Variants in AKAP12 observed in about 807,000 individuals in gnomAD.
AKAP12 encodes the protein A-kinase anchor protein 12.
Under a neutral mutation model 79.9 loss-of-function variants are expected in AKAP12, and 32 were observed. The observed-to-expected ratio is 0.40, with a 90% CI of 0.30 to 0.54. The LOEUF (loss-of-function observed/expected upper bound fraction) is 0.54, where lower values mean the gene tolerates loss of function less well. Among genes scored for constraint, AKAP12 ranks in the 20% least tolerant of loss-of-function variants. The pLI, the probability that AKAP12 is intolerant of heterozygous loss-of-function variation, is 0.48. For missense variants in AKAP12, 2,074 were observed against 2,177.0 expected, an observed-to-expected ratio of 0.95 and a Z score of 0.94; for synonymous variants, 808 against 857.0, an observed-to-expected ratio of 0.94 and a Z score of 1.00.
intron 2 of AKAP12, among the ~76,000 whole-genome samples, chr6:151,280,118 T>C (rs563860581): frequency 1.1e-4 from 17 of 151,864 alleles, no homozygotes; most frequent in African/African-American, 4.1e-4. Flanking sequence ...CATAAGCACC[T>C]TTTGGTTCAG....
intron 3 of AKAP12, among the ~76,000 whole-genome samples, chr6:151,329,687 A>G (rs774991561): frequency 1.3e-5 from 2 of 152,178 alleles, no homozygotes; most frequent in Non-Finnish European, 2.9e-5. Flanking sequence ...TTGTCAAGAG[A>G]CTTTGGAGAC....
chr6:151,349,972 G>A lies in AKAP12; in HGVS notation c.1581G>A (p.Lys527=), dbSNP rs972011563. The A allele has an allele frequency of 4.3e-6, 7 of 1,614,146 alleles. No individual in the cohort carries two copies. The highest frequency in any genetic ancestry group is 5.9e-6 in the Non-Finnish European group (7 of 1,180,020). The change falls in exon 4 of 5, where the codon AAG becomes AAA. Residue 527 remains lysine, a synonymous_variant. Coordinates refer to ENST00000402676, the MANE Select transcript of AKAP12 (RefSeq NM_005100.4). ...KKLFTSTGLK[K]LSGKKQKGKR... is the part of the protein sequence containing the mutation. ...TTTTTACCAGCACTGGCTTAAAAAA[G>A]CTTTCTGGAAAGAAACAGAAAGGGA... is the stretch of plus-strand genomic sequence containing the variant.
chr6:151,286,885 C>G (rs1776515190), intron 2 of AKAP12, among the ~76,000 whole-genome samples: 1 of 152,078 alleles, frequency 6.6e-6, no homozygotes, highest in Admixed American at 6.5e-5. Context: ...TTGACTTGAC[C>G]AAGGTCCCAC....
chr6:151,282,613 T>C (rs1376394552), intron 2 of AKAP12, among the ~76,000 whole-genome samples: 2 of 152,172 alleles, frequency 1.3e-5, no homozygotes. Flanking sequence ...TTTTGGTTGC[T>C]GCGGGGGAAG....
rs575683329 is a variant in AKAP12, at chr6:151,352,490, T to C, written c.4099T>C (p.Ser1367Pro). 4 of 1,614,142 alleles carry C rather than the reference T, an allele frequency of 2.5e-6. No homozygotes were observed. The highest frequency in any genetic ancestry group is 2.2e-5 in the East Asian group (1 of 44,880). ...KLEHETAVTV[S>P]EEVSKQLLQT... ...TGAGCACGAAACAGCTGTTACCGTA[T>C]CTGAAGAGGTCAGTAAGCAGCTCCT... Residue 1367 changes from serine to proline, a missense_variant, in exon 4 of 5, where the codon TCT becomes CCT. Ser to Pro is a moderately conservative substitution (Grantham distance 74). Around this residue, in one of 3 missense-constraint regions of AKAP12, gnomAD observed 614 missense variants for 665.6 expected, o/e 0.92. Coordinates refer to ENST00000402676, the MANE Select transcript of AKAP12 (RefSeq NM_005100.4).
At position 151,250,453 on chromosome 6, in the gene AKAP12, T is replaced by C. The variant is rs1358917231; in HGVS notation, c.162+9729T>C. Among the ~76,000 whole-genome samples the C allele has an allele frequency of 2.6e-5, 4 of 151,298 alleles. No homozygotes were observed. The East Asian group carries it at 6.0e-4, about 23-fold the overall frequency. ...GGCGGAGCTTGCAGTGAAGCCGAGA[T>C]TGCACCACTGCACTCCAGCCTGGGT... is the stretch of plus-strand genomic sequence containing the variant. On this transcript the variant is annotated intron_variant, in intron 2 of 4. Transcript: ENST00000402676.
chr6:151,351,257 G>A lies in AKAP12; in HGVS notation c.2866G>A (p.Glu956Lys), dbSNP rs1484824786. Residue 956 changes from glutamate to lysine, a missense_variant, in exon 4 of 5, where the codon GAG becomes AAG. Coordinates refer to ENST00000402676, the MANE Select transcript of AKAP12 (RefSeq NM_005100.4). This position sits in a 1 kb window ranked among gnomAD's most constrained non-coding sequence, Gnocchi z 4.4. ...CCCCACGGTTACTGAACCTCTGCCA[G>A]AGAACAGAGAGGCCCGGGGCGACAC... ...EPPTVTEPLP[E>K]NREARGDTVV... 1 of 1,614,250 alleles carries A rather than the reference G, an allele frequency of 6.2e-7. No individual in the cohort carries two copies. The highest frequency in any genetic ancestry group is 2.2e-5 in the East Asian group (1 of 44,880).
At chr6:151,296,757 C>G (rs1327365964) in intron 2 of AKAP12, among the ~76,000 whole-genome samples, 2 of 152,072 alleles carry the variant, frequency 1.3e-5, no homozygotes, top group East Asian at 1.9e-4. Context: ...AGCCTGCACT[C>G]TAGCCTGCAG....
chr6:151,317,799 C>G (rs1284860663), intron 3 of AKAP12, among the ~76,000 whole-genome samples: 1 of 152,160 alleles, frequency 6.6e-6, no homozygotes, highest in Admixed American at 6.5e-5. Context: ...TGATCAGTCA[C>G]CCTTCTGGTA....
At chr6:151,281,826 C>G (rs916221627) in intron 2 of AKAP12, among the ~76,000 whole-genome samples, 2 of 151,736 alleles carry the variant, frequency 1.3e-5, no homozygotes, top group African/African-American at 4.8e-5. Flanking sequence ...GCTAGGAATA[C>G]AGGCCTACAC....
At chr6:151,247,257 T>A (rs991342859) in intron 2 of AKAP12, among the ~76,000 whole-genome samples, 44 of 151,972 alleles carry the variant, frequency 2.9e-4, no homozygotes, top group Admixed American at 2.2e-3. Context: ...AAAATTTAGC[T>A]GGGTGCGGTG....
Position 151,335,439 on chromosome 6 carries a change from C to T in AKAP12, c.320-13272C>T, listed in dbSNP as rs1582889757. On this transcript the variant is annotated intron_variant, in intron 3 of 4. Coordinates refer to ENST00000402676, the MANE Select transcript of AKAP12 (RefSeq NM_005100.4). ...GTGACTTATGTTATAGGTGAGGACACTAAGAACAGAGATTTTCATTTTATT... is the reference window on the plus strand; with the variant it reads ...GTGACTTATGTTATAGGTGAGGACATTAAGAACAGAGATTTTCATTTTATT... Among the ~76,000 whole-genome samples, 3 of 152,094 alleles carry T rather than the reference C, an allele frequency of 2.0e-5. No homozygotes were observed. In the South Asian group the frequency reaches 6.2e-4, roughly 32 times the overall value.
At chr6:151,257,984 A>T (rs184934231) in intron 2 of AKAP12, among the ~76,000 whole-genome samples, 151 of 152,330 alleles carry the variant, frequency 9.9e-4, no homozygotes, top group African/African-American at 3.5e-3. Flanking sequence ...TTTGGTCTCC[A>T]GTAACAACTG....
chr6:151,299,920 C>T (rs77108514), intron 2 of AKAP12, among the ~76,000 whole-genome samples: 9,131 of 152,182 alleles, frequency 0.06, 488 homozygotes, highest in East Asian at 0.2. Flanking sequence ...TGAGGCACCA[C>T]GCCCAACCCT....
intron 3 of AKAP12, chr6:151,325,251 TAAAC>T: frequency 1.0e-6 from 1 of 985,416 alleles, no homozygotes; most frequent in Non-Finnish European, 1.2e-6. Flanking sequence ...CACCAACCTT[TAAAC>T]AAACATAAGG....
chr6:151,305,039 C>G (rs1016240821), intron 2 of AKAP12, among the ~76,000 whole-genome samples: 4 of 152,344 alleles, frequency 2.6e-5, no homozygotes, highest in Admixed American at 6.5e-5. Flanking sequence ...GGCCTTCGCG[C>G]CAAGCGGCCT....
At chr6:151,293,166 A>G (rs1033474687) in intron 2 of AKAP12, among the ~76,000 whole-genome samples, 1 of 152,234 alleles carries the variant, frequency 6.6e-6, no homozygotes, top group Non-Finnish European at 1.5e-5. Flanking sequence ...TTTCTAAGCA[A>G]GGATGTGATG....
intron 3 of AKAP12, among the ~76,000 whole-genome samples, chr6:151,345,757 A>T (rs189873100): frequency 4.3e-4 from 65 of 151,042 alleles, no homozygotes; most frequent in African/African-American, 1.5e-3. Context: ...AGATCACATC[A>T]CTGCAGCCTG....
In AKAP12 at chr6:151,292,676, C is replaced by T. The variant is rs544357076; in HGVS notation, c.163-13071C>T. 5.9e-5 allele frequency among the ~76,000 whole-genome samples: 9 copies of T among 152,312 alleles called. No homozygotes were observed. In the South Asian group the frequency reaches 1.9e-3, roughly 32 times the overall value. On this transcript the variant is annotated intron_variant, in intron 2 of 4. Transcript: ENST00000402676. ...CTCCTCATTGAATGGTAATATGTTA[C>T]CTGTTTTGGCAAAGTTTGGAGTAAA...
Sources: allele counts gnomAD v4.1 joint callset (sites outside exome capture counted in the v4.1 genomes callset), GRCh38; gene constraint gnomAD v4.1.1; regional missense constraint gnomAD v4.1.1; non-coding constraint Gnocchi (gnomAD v3.1); transcripts MANE v1.5; gene names NCBI Gene and HGNC (gene_info 2026-07-23, HGNC 2026-07-21).